Variants in CTBP2 observed in about 807,000 individuals in gnomAD.
CTBP2 encodes C-terminal binding protein 2.
Under a neutral mutation model 80.3 loss-of-function variants are expected in CTBP2, and 30 were observed. The observed-to-expected ratio is 0.37, with a 90% CI of 0.28 to 0.51. The LOEUF (loss-of-function observed/expected upper bound fraction) is 0.51. Among genes scored for constraint, CTBP2 ranks in the 20% least tolerant of loss-of-function variants. The pLI is 0.93. For synonymous variants in CTBP2, 594 were observed against 587.4 expected (o/e 1.01, Z -0.16); for missense variants, 1,212 against 1,375.3 (o/e 0.88, Z 1.88).
Position 125,026,896 on chromosome 10 carries a change from G to C in CTBP2, c.864C>G (p.Thr288=). 6.2e-7 allele frequency: 1 copy of C among 1,613,984 alleles called. No homozygotes were observed. The highest frequency in any genetic ancestry group is 8.5e-7 in the Non-Finnish European group (1 of 1,180,024). The change falls in exon 1 of 9, where the codon ACC becomes ACG. Residue 288 remains threonine (T), a synonymous_variant. Coordinates refer to ENST00000309035, the MANE Select transcript of CTBP2 (RefSeq NM_022802.3). ...GAAAGGCCAGGAACTCAGGGAGCAC[G>C]GTCCTCTTGCCACCAGGACCCTGGA...
At chr10:125,094,368 C>T (rs926425081) in intron 2 of CTBP2, among the ~76,000 whole-genome samples, 1 of 152,204 alleles carries the variant, frequency 6.6e-6, no homozygotes, top group Non-Finnish European at 1.5e-5. Flanking sequence ...GTGGCGACGG[C>T]TCAGAGCAGG....
chr10:125,112,107 CTTTT>C (rs59148637), intron 1 of CTBP2, among the ~76,000 whole-genome samples: 1 of 123,746 alleles, frequency 8.1e-6, no homozygotes, highest in African/African-American at 3.1e-5. Context: ...CTGCATTTGA[CTTTT>C]TTTTTTTTTT....
rs756946021 is a variant in CTBP2 at position 125,026,061 on chromosome 10, C to T, written c.1678+21G>A. The T allele has an allele frequency of 1.8e-5, 28 of 1,540,980 alleles. No homozygotes were observed. The East Asian group carries it at 5.7e-4, about 31-fold the overall frequency. On this transcript the variant is annotated intron_variant, in intron 1 of 8. Coordinates refer to ENST00000309035, the MANE Select transcript of CTBP2 (RefSeq NM_022802.3). Reference sequence around the variant, plus strand: ...GCTCCCCCCAGGTCCCCAGGCAGGGCAGGCGGGGAGGATGTATTACTTGGT... The same window carrying T: ...GCTCCCCCCAGGTCCCCAGGCAGGGTAGGCGGGGAGGATGTATTACTTGGT...
chr10:125,059,902 T>C (rs910752677), intron 2 of CTBP2, among the ~76,000 whole-genome samples: 10 of 152,092 alleles, frequency 6.6e-5, no homozygotes, highest in Non-Finnish European at 1.3e-4. Flanking sequence ...TGATCTTTTG[T>C]GGGGAGACAC....
At chr10:125,123,471 T>A (rs1248783027) in intron 1 of CTBP2, among the ~76,000 whole-genome samples, 1 of 152,254 alleles carries the variant, frequency 6.6e-6, no homozygotes, top group Non-Finnish European at 1.5e-5. Flanking sequence ...GAATTCATTC[T>A]GTATGTGAAT....
At chr10:125,050,295 A>T (rs1308564840) in intron 2 of CTBP2, among the ~76,000 whole-genome samples, 1 of 152,246 alleles carries the variant, frequency 6.6e-6, no homozygotes, top group Non-Finnish European at 1.5e-5. Context: ...CCCTAACTCC[A>T]GAAAATCTCT....
At chr10:125,086,316 G>A (rs1304805114) in intron 2 of CTBP2, among the ~76,000 whole-genome samples, 1 of 152,170 alleles carries the variant, frequency 6.6e-6, no homozygotes, top group Non-Finnish European at 1.5e-5. Flanking sequence ...TGGATCACCT[G>A]AGGTCAGGAG....
intron 1 of CTBP2, among the ~76,000 whole-genome samples, chr10:125,025,291 T>C (rs1380815450): frequency 6.6e-6 from 1 of 152,202 alleles, no homozygotes; most frequent in Non-Finnish European, 1.5e-5. Flanking sequence ...ATAAAAATTG[T>C]AAATGGTGCT....
intron 2 of CTBP2, among the ~76,000 whole-genome samples, chr10:125,043,465 C>G (rs536995790): frequency 6.6e-6 from 1 of 152,118 alleles, no homozygotes; most frequent in East Asian, 1.9e-4. Context: ...GAGAAGGAGT[C>G]TTGCTCTGTC....
chr10:125,014,359 G>A (rs146565690), intron 1 of CTBP2, among the ~76,000 whole-genome samples: 104 of 152,380 alleles, frequency 6.8e-4, no homozygotes, highest in African/African-American at 2.5e-3. Flanking sequence ...GGCTGAGGCA[G>A]GTGGATCCCT....
intron 2 of CTBP2, among the ~76,000 whole-genome samples, chr10:125,057,434 C>T (rs1051059193): frequency 2.0e-5 from 3 of 152,166 alleles, no homozygotes; most frequent in Admixed American, 2.0e-4. Context: ...GGCCAAACCC[C>T]GAGCTATGAA....
At chr10:125,088,861 C>T (rs926241645) in intron 2 of CTBP2, among the ~76,000 whole-genome samples, 5 of 152,198 alleles carry the variant, frequency 3.3e-5, no homozygotes, top group Non-Finnish European at 4.4e-5. Context: ...GAGATGAATG[C>T]CCCAGAGCTC....
At chr10:125,109,541 G>A (rs1019700252) in intron 2 of CTBP2, among the ~76,000 whole-genome samples, 32 of 152,292 alleles carry the variant, frequency 2.1e-4, no homozygotes, top group Admixed American at 2.6e-4. Context: ...TGCGAGTGGC[G>A]GTCCTGACCT....
chr10:125,044,985 C>T (rs1018877165), intron 2 of CTBP2, among the ~76,000 whole-genome samples: 2 of 152,140 alleles, frequency 1.3e-5, no homozygotes, highest in Admixed American at 6.5e-5. Context: ...ATTTTCAGAA[C>T]GGCAGCTATG....
chr10:125,009,403 G>C (rs566141786), intron 1 of CTBP2, among the ~76,000 whole-genome samples: 24 of 152,248 alleles, frequency 1.6e-4, no homozygotes, highest in African/African-American at 5.8e-4. Context: ...AAACTCCAGA[G>C]GCCGGGGCGG....
At chr10:125,035,466 C>G (rs891595681) in intron 3 of CTBP2, among the ~76,000 whole-genome samples, 1 of 152,210 alleles carries the variant, frequency 6.6e-6, no homozygotes, top group African/African-American at 2.4e-5. Flanking sequence ...ACGTCTCTAA[C>G]ACATTCGAAC....
intron 2 of CTBP2, among the ~76,000 whole-genome samples, chr10:125,075,259 C>T (rs1846107096): frequency 1.3e-5 from 2 of 152,118 alleles, no homozygotes; most frequent in Non-Finnish European, 1.5e-5. Context: ...TACCACAGTT[C>T]GCATATGGCC....
chr10:125,120,154 C>T (rs928095996), intron 1 of CTBP2, among the ~76,000 whole-genome samples: 4 of 152,148 alleles, frequency 2.6e-5, no homozygotes, highest in African/African-American at 9.7e-5. Flanking sequence ...TCTAGGACCC[C>T]GACTGATGCC....
rs529339680 is a variant in CTBP2, at chr10:125,038,276, G to A, written c.58+721C>T. 2.8e-3 allele frequency among the ~76,000 whole-genome samples: 420 copies of A among 152,208 alleles called. 3 individuals carry two copies. The highest frequency in any genetic ancestry group is 4.5e-3 in the Non-Finnish European group (308 of 68,014). On this transcript the variant is annotated intron_variant, in intron 3 of 10. Transcript: ENST00000337195. ...GCGTGTGCGTGAAGGGTGCAGAGGGGGCTGCGGAGCCATCTTCGCTTCCCT... is the reference window on the plus strand; with the variant it reads ...GCGTGTGCGTGAAGGGTGCAGAGGGAGCTGCGGAGCCATCTTCGCTTCCCT...
Sources: allele counts gnomAD v4.1 joint callset (sites outside exome capture counted in the v4.1 genomes callset), GRCh38; gene constraint gnomAD v4.1.1; transcripts MANE v1.5; gene names NCBI Gene and HGNC (gene_info 2026-07-23, HGNC 2026-07-21).